Variants in CA10 observed in about 807,000 individuals in gnomAD.
The protein encoded by CA10 is carbonic anhydrase-related protein 10.
In CA10, 14 loss-of-function variants were observed where a neutral mutation model predicts 44.2. The observed-to-expected ratio is 0.32, with a 90% CI of 0.21 to 0.50. CA10 has a LOEUF of 0.50. Among genes scored for constraint, CA10 ranks in the 20% least tolerant of loss-of-function variants. The probability of loss-of-function intolerance (pLI) is 0.99; values close to 1 mark genes in which losing one functional copy is unlikely to be tolerated. For synonymous variants in CA10, 159 were observed against 141.6 expected (o/e 1.12, Z -0.87); for missense variants, 350 against 409.7 (o/e 0.85, Z 1.26).
chr17:51,995,525 C>A (rs1985204113), intron 2 of CA10, among the ~76,000 whole-genome samples: 1 of 152,018 alleles, frequency 6.6e-6, no homozygotes, highest in African/African-American at 2.4e-5. Context: ...CCTCATCAGG[C>A]CACTTTAACA....
intron 4 of CA10, among the ~76,000 whole-genome samples, chr17:51,708,955 C>T (rs141659662): frequency 3.3e-5 from 5 of 152,276 alleles, no homozygotes; most frequent in Non-Finnish European, 5.9e-5. Context: ...CTGGGACTGG[C>T]TTCCCTGCTC....
chr17:51,978,429 G>A (rs1244740646), intron 2 of CA10, among the ~76,000 whole-genome samples: 3 of 150,486 alleles, frequency 2.0e-5, no homozygotes, highest in African/African-American at 7.3e-5. Context: ...TGTATGCAAA[G>A]GTACCAAAGC....
chr17:51,858,214 A>C (rs142497725), intron 3 of CA10, among the ~76,000 whole-genome samples: 226 of 152,324 alleles, frequency 1.5e-3, no homozygotes, highest in African/African-American at 5.1e-3. Flanking sequence ...ATTAAAAATA[A>C]AGAAAACCAT....
At chr17:52,042,395 A>T (rs942307218) in intron 2 of CA10, among the ~76,000 whole-genome samples, 13 of 151,820 alleles carry the variant, frequency 8.6e-5, no homozygotes, top group East Asian at 3.9e-4. Context: ...TGCCTTTTTT[A>T]AAAAAAACAT....
At chr17:51,768,497 T>C (rs1905474015) in intron 3 of CA10, among the ~76,000 whole-genome samples, 2 of 152,346 alleles carry the variant, frequency 1.3e-5, no homozygotes, top group Admixed American at 1.3e-4. Flanking sequence ...TATTGCTCTA[T>C]TGATCTTAGT....
chr17:52,126,799 A>C (rs1249370889), intron 1 of CA10, among the ~76,000 whole-genome samples: 1 of 152,208 alleles, frequency 6.6e-6, no homozygotes, highest in Non-Finnish European at 1.5e-5. Flanking sequence ...CTGTTTGCAA[A>C]ATTTCAAAAA....
chr17:51,887,842 AC>A lies in CA10; in HGVS notation c.279+43147del, dbSNP rs1330054689. Among the ~76,000 whole-genome samples, 1,021 of 141,036 alleles carry A rather than the reference AC, an allele frequency of 7.2e-3. 10 individuals are homozygous for A. The highest frequency in any genetic ancestry group is 0.035 in the Middle Eastern group (10 of 284). 92.5% of individuals were successfully genotyped at this position (141,036 alleles called of 152,430 possible). ...CCTAAACCCCTTCTCTACTAAAAAT[AC>A]AAAAAAAAAAAGAAAAAAAAAAAAG... is the stretch of plus-strand genomic sequence containing the variant. On this transcript the variant is annotated intron_variant, in intron 3 of 8. Transcript: ENST00000451037.
At chr17:51,784,971 C>T (rs529775940) in intron 3 of CA10, among the ~76,000 whole-genome samples, 263 of 152,298 alleles carry the variant, frequency 1.7e-3, no homozygotes, top group South Asian at 3.3e-3. Flanking sequence ...TTCTCTATCT[C>T]CATGAATTCA....
chr17:51,682,940 C>A (rs554718652), intron 4 of CA10, among the ~76,000 whole-genome samples: 2 of 152,292 alleles, frequency 1.3e-5, no homozygotes, highest in African/African-American at 4.8e-5. Context: ...TTATAAGAAC[C>A]ACCAGGCATG....
At chr17:51,910,263 T>G (rs1490597375) in intron 3 of CA10, among the ~76,000 whole-genome samples, 1 of 151,994 alleles carries the variant, frequency 6.6e-6, no homozygotes, top group Non-Finnish European at 1.5e-5. Context: ...AAACTTAATC[T>G]CCAAAGATTT....
intron 1 of CA10, among the ~76,000 whole-genome samples, chr17:52,154,084 C>T (rs1989756399): frequency 1.3e-5 from 2 of 152,196 alleles, no homozygotes; most frequent in Admixed American, 6.5e-5. Flanking sequence ...TTAATTCTAG[C>T]TCTAAATTGT....
chr17:52,143,526 G>A (rs2970056), intron 1 of CA10, among the ~76,000 whole-genome samples: 61,117 of 151,866 alleles, frequency 0.4, 12,521 homozygotes, highest in Non-Finnish European at 0.45. Context: ...AAAAAAGAGA[G>A]GTTATAAAAT....
At position 52,120,413 on chromosome 17, in the gene CA10, A is replaced by ACCTTATCCTTATCCTTAT. The variant is rs76764541; in HGVS notation, c.61+37295_61+37312dup. On this transcript the variant is annotated intron_variant, in intron 1 of 8. Transcript: ENST00000451037. ...CAGTTAATATTGGTCTTCATCCTTA[A>ACCTTATCCTTATCCTTAT]CCTTATCCTTATCCTTATCCTTATC... is the stretch of plus-strand genomic sequence containing the variant. Among the ~76,000 whole-genome samples, 14 of 145,012 alleles carry ACCTTATCCTTATCCTTAT rather than the reference A, an allele frequency of 9.7e-5. No homozygotes were observed. The East Asian group carries it at 1.5e-3, about 15-fold the overall frequency.
intron 3 of CA10, among the ~76,000 whole-genome samples, chr17:51,841,405 G>A (rs1423777402): frequency 6.6e-6 from 1 of 152,188 alleles, no homozygotes; most frequent in African/African-American, 2.4e-5. Context: ...GCAAAAGAGT[G>A]CATCTTCTTT....
At chr17:51,852,740 T>A (rs1189110601) in intron 3 of CA10, among the ~76,000 whole-genome samples, 1 of 152,162 alleles carries the variant, frequency 6.6e-6, no homozygotes, top group Non-Finnish European at 1.5e-5. Flanking sequence ...CATGGTAAAA[T>A]GAGAATAAGA....
intron 3 of CA10, among the ~76,000 whole-genome samples, chr17:51,779,392 A>G (rs147948981): frequency 6.6e-6 from 1 of 152,118 alleles, no homozygotes; most frequent in Non-Finnish European, 1.5e-5. Context: ...ATTAATATTG[A>G]TTAAGAAACA....
At chr17:51,645,266 C>A (rs939047373) in intron 6 of CA10, among the ~76,000 whole-genome samples, 1 of 152,302 alleles carries the variant, frequency 6.6e-6, no homozygotes. Context: ...ATGAGGCGAT[C>A]CTTTTGTCAA....
chr17:52,151,365 C>G (rs1387714474), intron 1 of CA10, among the ~76,000 whole-genome samples: 1 of 152,062 alleles, frequency 6.6e-6, no homozygotes, highest in Non-Finnish European at 1.5e-5. Context: ...TCTTCTTTCT[C>G]CCTGTTCTTT....
intron 3 of CA10, among the ~76,000 whole-genome samples, chr17:51,859,708 A>T (rs1004218441): frequency 1.3e-5 from 2 of 152,130 alleles, no homozygotes; most frequent in African/African-American, 4.8e-5. Context: ...AATGGGGATA[A>T]TATTATTTAT....
Sources: gnomAD v4.1 joint callset for allele counts (sites outside exome capture counted in the v4.1 genomes callset) on GRCh38, gnomAD v4.1.1 for gene constraint, MANE v1.5 for transcripts, NCBI Gene and HGNC (gene_info 2026-07-23, HGNC 2026-07-21) for gene names.